The following ANP32A variants were observed in gnomAD, a reference collection of about 807,000 sequenced individuals.
The protein encoded by ANP32A is acidic nuclear phosphoprotein 32 family member A.
ANP32A carries 1 observed loss-of-function variant against 33.9 expected under a neutral mutation model. That is an observed-to-expected ratio of 0.03 (90% CI 0.01 to 0.14). ANP32A has a LOEUF of 0.14. ANP32A is among the 10% of genes least tolerant of loss of function. The pLI, the probability that ANP32A is intolerant of heterozygous loss-of-function variation, is 1.00. For missense variants in ANP32A, 155 were observed against 306.0 expected (o/e 0.51, Z 3.68); for synonymous variants, 115 against 120.5 (o/e 0.95, Z 0.30).
At chr15:68,803,666 C>T (rs1380536077) in intron 1 of ANP32A, among the ~76,000 whole-genome samples, 1 of 152,022 alleles carries the variant, frequency 6.6e-6, no homozygotes, top group Non-Finnish European at 1.5e-5. Flanking sequence ...CAGAAAGGCA[C>T]AGGCAGGCAC....
intron 2 of ANP32A, 50 bp from the exon 3 acceptor site, chr15:68,787,585 C>T (rs1181125873): frequency 6.2e-7 from 1 of 1,613,396 alleles, no homozygotes; most frequent in Admixed American, 1.7e-5. Flanking sequence ...AAAATGAAGG[C>T]TACCGGCTCA....
chr15:68,807,237 A>G (rs1343347798), intron 1 of ANP32A, among the ~76,000 whole-genome samples: 1 of 152,188 alleles, frequency 6.6e-6, no homozygotes, highest in Admixed American at 6.5e-5. Context: ...AATGAAAGAT[A>G]AAGGACTGGG....
intron 4 of ANP32A, 27 bp from the exon 5 acceptor site, chr15:68,783,080 A>G (rs1261825907): frequency 1.9e-6 from 3 of 1,551,546 alleles, no homozygotes; most frequent in South Asian, 2.4e-5. Flanking sequence ...GGGAACGGAA[A>G]CAGAACTAGT....
intron 1 of ANP32A, 41 bp from the exon 2 acceptor site, chr15:68,787,960 G>C: frequency 6.2e-7 from 1 of 1,613,002 alleles, no homozygotes; most frequent in Non-Finnish European, 8.5e-7. Context: ...CTGAGGAATG[G>C]GGCTGAAGCA....
intron 1 of ANP32A, among the ~76,000 whole-genome samples, chr15:68,801,337 T>C (rs1479547943): frequency 6.6e-6 from 1 of 151,930 alleles, no homozygotes; most frequent in Non-Finnish European, 1.5e-5. Flanking sequence ...ACATCTCCTA[T>C]GGGAGAATGT....
At chr15:68,802,574 C>G (rs1894151117) in intron 1 of ANP32A, among the ~76,000 whole-genome samples, 1 of 152,174 alleles carries the variant, frequency 6.6e-6, no homozygotes, top group African/African-American at 2.4e-5. Flanking sequence ...TTGCATTCAC[C>G]TAGCTTACGG....
Position 68,780,853 on chromosome 15 carries a change from T to G in ANP32A, c.625-380A>C. ...AAGTTCCCGAGCAGACTCCCTGACG[T>G]GCAAAGTAGGCCATCCTTTCTTGCA... On this transcript the variant is annotated intron_variant, in intron 5 of 6. Transcript: ENST00000465139. The surrounding 1 kb of genome is among the most constrained non-coding windows in gnomAD (Gnocchi z 4.3). 1 of 173,942 alleles carries G rather than the reference T, an allele frequency of 5.7e-6. No homozygotes were observed. The highest frequency in any genetic ancestry group is 1.6e-4 in the East Asian group (1 of 6,270). 10.8% of individuals were successfully genotyped at this position (173,942 alleles called of 1,614,324 possible). A position where few individuals can be genotyped will look rare whatever the true frequency, so the allele number is the denominator to read the frequency against.
chr15:68,806,137 T>A (rs2140370223), intron 1 of ANP32A, among the ~76,000 whole-genome samples: 1 of 152,272 alleles, frequency 6.6e-6, no homozygotes, highest in East Asian at 1.9e-4. Context: ...CTGGTTAACA[T>A]CAGACAGTAG....
intron 1 of ANP32A, among the ~76,000 whole-genome samples, chr15:68,798,911 G>T (rs1894095902): frequency 6.6e-6 from 1 of 152,234 alleles, no homozygotes; most frequent in South Asian, 2.1e-4. Context: ...AAGCCCTGTT[G>T]TCCAACCACC....
intron 5 of ANP32A, chr15:68,781,120 T>C (rs1489242034): frequency 1.3e-5 from 2 of 152,182 alleles, no homozygotes; most frequent in Non-Finnish European, 2.9e-5. Flanking sequence ...CCTCTGCTCC[T>C]GAAAGTATAT....
At chr15:68,796,150 C>A (rs1157126837) in intron 1 of ANP32A, among the ~76,000 whole-genome samples, 1 of 152,158 alleles carries the variant, frequency 6.6e-6, no homozygotes, top group Non-Finnish European at 1.5e-5. Flanking sequence ...GGCGTGATCT[C>A]GGCTCACTGC....
chr15:68,788,128 G>C (rs1893956128), intron 1 of ANP32A, among the ~76,000 whole-genome samples: 1 of 152,186 alleles, frequency 6.6e-6, no homozygotes, highest in Non-Finnish European at 1.5e-5. Context: ...CAACATCTGG[G>C]TGAGAGGAGG....
At chr15:68,805,524 T>C (rs1894206677) in intron 1 of ANP32A, among the ~76,000 whole-genome samples, 2 of 152,264 alleles carry the variant, frequency 1.3e-5, no homozygotes, top group Non-Finnish European at 2.9e-5. Flanking sequence ...GGCAGAGGGC[T>C]GGAGCCCAAG....
intron 1 of ANP32A, among the ~76,000 whole-genome samples, chr15:68,796,673 G>A (rs900141248): frequency 1.3e-5 from 2 of 152,124 alleles, no homozygotes; most frequent in Non-Finnish European, 2.9e-5. Context: ...AGGAAAAGGG[G>A]CCAAGATGCA....
At chr15:68,781,184 G>GT (rs1893862089) in intron 5 of ANP32A, 1 of 152,098 alleles carries the variant, frequency 6.6e-6, no homozygotes, top group Non-Finnish European at 1.5e-5. Context: ...AAAGAACTTG[G>GT]TGACAGACTT....
chr15:68,788,727 AAGG>A (rs773617191), intron 1 of ANP32A, among the ~76,000 whole-genome samples: 1 of 152,214 alleles, frequency 6.6e-6, no homozygotes, highest in Non-Finnish European at 1.5e-5. Flanking sequence ...ATAGACGTGG[AAGG>A]AGAATGGAAA....
Position 68,820,853 on chromosome 15 carries a change from G to C in ANP32A, c.-102C>G, listed in dbSNP as rs1260645919. 1 of 1,397,478 alleles carries C rather than the reference G, an allele frequency of 7.2e-7. No homozygotes were observed. The highest frequency in any genetic ancestry group is 1.8e-5 in the Admixed American group (1 of 55,586). 86.6% of individuals were successfully genotyped at this position (1,397,478 alleles called of 1,614,324 possible). ...TTTTAGGACTTTGAAGGCTCAACCAGCTCCGCTCGGTTCTCGAGCCCCCAG... is the reference window on the plus strand; with the variant it reads ...TTTTAGGACTTTGAAGGCTCAACCACCTCCGCTCGGTTCTCGAGCCCCCAG... On this transcript the variant is annotated 5_prime_UTR_variant, in exon 1 of 7. Transcript: ENST00000465139.
intron 1 of ANP32A, among the ~76,000 whole-genome samples, chr15:68,806,166 C>T (rs1032521460): frequency 6.6e-6 from 1 of 152,160 alleles, no homozygotes; most frequent in African/African-American, 2.4e-5. Flanking sequence ...TGCTGCTCAC[C>T]ATCAGGGACA....
chr15:68,795,214 C>G (rs972960252), intron 1 of ANP32A, among the ~76,000 whole-genome samples: 3 of 152,204 alleles, frequency 2.0e-5, no homozygotes, highest in African/African-American at 7.2e-5. Flanking sequence ...GATCTCCACA[C>G]CTCTAGAAGA....
Sources: gnomAD v4.1 joint callset for allele counts (sites outside exome capture counted in the v4.1 genomes callset) on GRCh38, gnomAD v4.1.1 for gene constraint, Gnocchi (gnomAD v3.1) non-coding constraint, MANE v1.5 for transcripts, NCBI Gene and HGNC (gene_info 2026-07-23, HGNC 2026-07-21) for gene names.